ZPBP: variants seen among roughly 807,000 people sequenced by gnomAD.
The protein encoded by ZPBP is zona pellucida-binding protein 1.
Under a neutral mutation model 44.8 loss-of-function variants are expected in ZPBP, and 26 were observed. That is an observed-to-expected ratio of 0.58 (90% CI 0.43 to 0.81). The LOEUF (loss-of-function observed/expected upper bound fraction) is 0.81. Among genes scored for constraint, ZPBP ranks in the 30% least tolerant of loss-of-function variants. The pLI is 0.00. For synonymous variants in ZPBP, 174 were observed against 153.2 expected (o/e 1.14, Z -1.00); for missense variants, 409 against 434.0 (o/e 0.94, Z 0.51).
chr7:49,961,838 G>A (rs1795872137), intron 7 of ZPBP, among the ~76,000 whole-genome samples: 1 of 152,042 alleles, frequency 6.6e-6, no homozygotes, highest in African/African-American at 2.4e-5. Context: ...TGTTAAAATT[G>A]CTGTAAATCT....
Position 49,999,787 on chromosome 7 carries a change from G to T in ZPBP, c.784-16268C>A, listed in dbSNP as rs74196509. ...TAGTGAGGGTAATCTTTACTCAGTC[G>T]AACAATTCAAATGGTAATCACTTCC... On this transcript the variant is annotated intron_variant, in intron 6 of 7. Transcript: ENST00000046087. 3.1e-3 allele frequency among the ~76,000 whole-genome samples: 474 copies of T among 152,160 alleles called. 2 individuals carry two copies. Among genetic ancestry groups the T allele is most frequent in the African/African-American group, 0.01 (429 of 41,500 alleles).
At chr7:49,884,890 A>G (rs542683104) in intron 2 of ZPBP, among the ~76,000 whole-genome samples, 2 of 152,258 alleles carry the variant, frequency 1.3e-5, no homozygotes, top group East Asian at 3.9e-4. Flanking sequence ...TAGAAAAATT[A>G]TAGAGGAAAT....
At chr7:49,945,218 A>G (rs558297779) in intron 7 of ZPBP, among the ~76,000 whole-genome samples, 11 of 152,122 alleles carry the variant, frequency 7.2e-5, no homozygotes, top group Non-Finnish European at 1.5e-4. Flanking sequence ...TACTTGATAT[A>G]ATTTCAATTT....
chr7:49,981,331 TA>T (rs1324735110), intron 7 of ZPBP, among the ~76,000 whole-genome samples: 2 of 51,448 alleles, frequency 3.9e-5, no homozygotes, highest in African/African-American at 7.8e-5. Context: ...ATATATATTA[TA>T]ATTATATATA....
At position 50,058,040 on chromosome 7, in the gene ZPBP, G is replaced by A. The variant is rs1801055232; in HGVS notation, c.436C>T (p.Pro146Ser). The A allele has an allele frequency of 1.2e-6, 2 of 1,613,214 alleles. No individual in the cohort carries two copies. Among genetic ancestry groups the A allele is most frequent in the East Asian group, 2.2e-5 (1 of 44,842 alleles). Residue 146 changes from proline (P) to serine (S), a missense_variant, in exon 4 of 8, where the codon CCT becomes TCT. This residue lies in a region of ZPBP where 367 missense variants were observed against 363.1 expected (regional missense o/e 1.01). Transcript: ENST00000046087. Reference sequence around the variant, plus strand: ...CGTTTAACAATTTCTTCCACAGTAGGTTTATATTCGAGGAAACATGTATAA... The same window carrying A: ...CGTTTAACAATTTCTTCCACAGTAGATTTATATTCGAGGAAACATGTATAA... ...GIYTCFLEYK[P>S]TVEEIVKRLQ...
At chr7:50,056,915 G>A (rs529804206) in intron 4 of ZPBP, among the ~76,000 whole-genome samples, 1 of 152,276 alleles carries the variant, frequency 6.6e-6, no homozygotes, top group East Asian at 1.9e-4. Flanking sequence ...GCTAGGTGTG[G>A]TGGCTCATGC....
chr7:49,951,539 C>A (rs1795344008), intron 7 of ZPBP, among the ~76,000 whole-genome samples: 1 of 138,196 alleles, frequency 7.2e-6, no homozygotes, highest in Admixed American at 7.3e-5. Context: ...AATGGTTAAA[C>A]TTTTTTTTTT....
At chr7:49,891,541 A>G (rs1792128285) in intron 2 of ZPBP, among the ~76,000 whole-genome samples, 1 of 152,240 alleles carries the variant, frequency 6.6e-6, no homozygotes, top group African/African-American at 2.4e-5. Context: ...ACAATCAGTC[A>G]TCAAGGAAAT....
At chr7:49,938,470 G>A (rs1794707341) in intron 7 of ZPBP, among the ~76,000 whole-genome samples, 1 of 152,140 alleles carries the variant, frequency 6.6e-6, no homozygotes, top group South Asian at 2.1e-4. Context: ...AGGTAAAACA[G>A]TCAACTCTCT....
chr7:50,019,895 T>C (rs1396949914), intron 5 of ZPBP, among the ~76,000 whole-genome samples: 1 of 152,004 alleles, frequency 6.6e-6, no homozygotes, highest in East Asian at 1.9e-4. Context: ...ATTTTTACCT[T>C]AAGTCCTTTT....
rs1051225607 is a variant in ZPBP, at chr7:49,888,811, C to T, written n.509+12307G>A. 3.3e-5 allele frequency among the ~76,000 whole-genome samples: 5 copies of T among 151,686 alleles called. No homozygotes were observed. In the South Asian group the frequency reaches 6.3e-4, roughly 19 times the overall value. On this transcript the variant is annotated intron_variant and non_coding_transcript_variant, in intron 2 of 2. Coordinates refer to the ZPBP transcript ENST00000465922. ...CTGTAATCTCAGCTACTTTGGGGGC[C>T]GAGGCAGGAGAATCGCTTGAACTCG...
intron 7 of ZPBP, among the ~76,000 whole-genome samples, chr7:49,975,869 A>T (rs1246879195): frequency 3.3e-5 from 5 of 152,220 alleles, no homozygotes; most frequent in African/African-American, 1.2e-4. Flanking sequence ...TGATCGTTTC[A>T]GTGAAATATT....
intron 2 of ZPBP, among the ~76,000 whole-genome samples, chr7:49,877,727 G>T (rs1329608342): frequency 6.7e-6 from 1 of 149,622 alleles, no homozygotes; most frequent in African/African-American, 2.5e-5. Flanking sequence ...TTTACACTCT[G>T]GAGAGCCACT....
At chr7:50,022,604 AAAC>A (rs1489439185) in intron 5 of ZPBP, among the ~76,000 whole-genome samples, 3 of 152,104 alleles carry the variant, frequency 2.0e-5, no homozygotes, top group Non-Finnish European at 4.4e-5. Context: ...AGGGACAATC[AAAC>A]AAAAAAGATA....
intron 7 of ZPBP, chr7:49,940,848 G>A: frequency 1.0e-6 from 1 of 960,072 alleles, no homozygotes; most frequent in Non-Finnish European, 1.2e-6. Context: ...TTTGTGATGG[G>A]TGCAGTTCCT....
At chr7:49,951,402 C>T (rs914423545) in intron 7 of ZPBP, among the ~76,000 whole-genome samples, 1 of 151,516 alleles carries the variant, frequency 6.6e-6, no homozygotes, top group Non-Finnish European at 1.5e-5. Context: ...AGAGGATTTA[C>T]GTAGACATTT....
In ZPBP at chr7:49,915,115, T is replaced by G. The variant is rs546462975; in HGVS notation, n.412-13900A>C. 5.3e-5 allele frequency: 8 copies of G among 152,326 alleles called. No individual in the cohort carries two copies. In the South Asian group the frequency reaches 1.7e-3, roughly 32 times the overall value. The allele number at this position is 152,326 out of a possible 1,614,324, so 9.4% of individuals were successfully genotyped here. A position where few individuals can be genotyped will look rare whatever the true frequency, so the allele number is the denominator to read the frequency against. On this transcript the variant is annotated intron_variant and non_coding_transcript_variant, in intron 1 of 2. Coordinates refer to the ZPBP transcript ENST00000465922. ...TTTCAAGTTAAATTCATTCTTTCAGTGATAGGATATTTACTTGTTGGGTGG... is the reference window on the plus strand; with the variant it reads ...TTTCAAGTTAAATTCATTCTTTCAGGGATAGGATATTTACTTGTTGGGTGG...
intron 6 of ZPBP, among the ~76,000 whole-genome samples, chr7:49,986,920 T>C (rs1005605024): frequency 1.3e-5 from 2 of 152,218 alleles, no homozygotes; most frequent in Non-Finnish European, 2.9e-5. Flanking sequence ...AACTGGTCAG[T>C]GGCAAACTTC....
At chr7:49,961,750 A>C (rs1795868747) in intron 7 of ZPBP, among the ~76,000 whole-genome samples, 1 of 152,130 alleles carries the variant, frequency 6.6e-6, no homozygotes, top group South Asian at 2.1e-4. Flanking sequence ...TAAAAAATCT[A>C]TGATAATGGA....
Sources: gnomAD v4.1 joint callset for allele counts (sites outside exome capture counted in the v4.1 genomes callset) on GRCh38, gnomAD v4.1.1 for gene constraint, gnomAD v4.1.1 regional missense constraint, MANE v1.5 for transcripts, NCBI Gene and HGNC (gene_info 2026-07-23, HGNC 2026-07-21) for gene names.